Variants in CELF3 observed in about 807,000 individuals in gnomAD.
The protein encoded by CELF3 is CAG repeat domain.
A neutral mutation model predicts 59.6 loss-of-function variants in CELF3; 26 were observed. That is an observed-to-expected ratio of 0.44 (90% CI 0.32 to 0.61). The LOEUF (loss-of-function observed/expected upper bound fraction) is 0.61, where lower values mean the gene tolerates loss of function less well. CELF3 is among the 20% of genes least tolerant of loss of function. The probability of loss-of-function intolerance (pLI) is 0.06; values close to 1 mark genes in which losing one functional copy is unlikely to be tolerated. For synonymous variants in CELF3, 245 were observed against 250.7 expected (o/e 0.98, Z 0.22); for missense variants, 387 against 627.2 (o/e 0.62, Z 4.09).
chr1:151,714,442 A>G, intron 2 of CELF3, 152 bp downstream of exon 2: 3 of 710,786 alleles, frequency 4.2e-6, no homozygotes, highest in Admixed American at 2.1e-5. Context: ...GCATGCATCT[A>G]CAGCAAGAAA....
chr1:151,709,167 G>A lies in CELF3; in HGVS notation c.406+53C>T. The A allele has an allele frequency of 6.2e-7, 1 of 1,608,640 alleles. No individual in the cohort carries two copies. The highest frequency in any genetic ancestry group is 1.1e-5 in the South Asian group (1 of 90,886). On this transcript the variant is annotated intron_variant, in intron 4 of 12. Transcript: ENST00000290583. This position sits in a 1 kb window ranked among gnomAD's most constrained non-coding sequence, Gnocchi z 4.9. ...ACCCGATGCCTAGGGAGTCTTGGGGGTGGAACAGGAAGGGGAAGGGCCCGG... is the reference window on the plus strand; with the variant it reads ...ACCCGATGCCTAGGGAGTCTTGGGGATGGAACAGGAAGGGGAAGGGCCCGG...
At chr1:151,707,476 G>A (rs758740295) in intron 7 of CELF3, 31 bp downstream of exon 7, 1 of 1,608,930 alleles carries the variant, frequency 6.2e-7, no homozygotes, top group Non-Finnish European at 8.5e-7. Context: ...ACCATGCTTA[G>A]CTCCCTTGCC....
chr1:151,716,527 G>T lies in CELF3; in HGVS notation c.-507C>A. On this transcript the variant is annotated 5_prime_UTR_variant, in exon 1 of 13. Transcript: ENST00000290583. ...TGTGGGGCAGGTGAATCTCTCGTTG[G>T]CTTCCCTGGGAGGACACCTCCCCTG... is the stretch of plus-strand genomic sequence containing the variant. 1 of 326,354 alleles carries T rather than the reference G, an allele frequency of 3.1e-6. No homozygotes were observed. The highest frequency in any genetic ancestry group is 3.9e-5 in the Admixed American group (1 of 25,398). 20.2% of individuals were successfully genotyped at this position (326,354 alleles called of 1,614,324 possible). A position where few individuals can be genotyped will look rare whatever the true frequency, so the allele number is the denominator to read the frequency against.
At chr1:151,712,739 G>C (rs1673126491) in intron 2 of CELF3, among the ~76,000 whole-genome samples, 1 of 152,216 alleles carries the variant, frequency 6.6e-6, no homozygotes, top group Admixed American at 6.5e-5. Context: ...TATCACCCTA[G>C]TATGGTAGCA....
Position 151,707,918 on chromosome 1 carries a change from C to G in CELF3, c.504G>C (p.Leu168=). 1.2e-6 allele frequency: 2 copies of G among 1,612,792 alleles called. No homozygotes were observed. The highest frequency in any genetic ancestry group is 1.7e-6 in the Non-Finnish European group (2 of 1,179,054). The change falls in exon 6 of 13, where the codon CTG becomes CTC. Residue 168 remains leucine (L), a synonymous_variant. Coordinates refer to ENST00000290583, the MANE Select transcript of CELF3 (RefSeq NM_007185.7). ...SRTLPGASSS[L]VVKFADTEKE... ...TCTCAGTGTCAGCAAACTTCACCACCAGGCTGGACGAGGCACCCTGGGCAC... is the reference window on the plus strand; with the variant it reads ...TCTCAGTGTCAGCAAACTTCACCACGAGGCTGGACGAGGCACCCTGGGCAC...
In CELF3 at chr1:151,707,663, G is replaced by C. The variant is rs1051897036; in HGVS notation, c.631-15C>G. The C allele has an allele frequency of 3.1e-6, 5 of 1,603,334 alleles. No individual in the cohort carries two copies. The highest frequency in any genetic ancestry group is 4.2e-6 in the Non-Finnish European group (5 of 1,176,802). On this transcript the variant is annotated splice_polypyrimidine_tract_variant and intron_variant, in intron 6 of 12. Transcript: ENST00000290583. ...TGCTGCATCAGCTGGGGGGAGGGGA[G>C]AGGAGAGTGGGGCAGGCCCCCTGTG...
chr1:151,708,984 G>T lies in CELF3; in HGVS notation c.486+14C>A, dbSNP rs1392618310. On this transcript the variant is annotated intron_variant, in intron 5 of 12. Coordinates refer to ENST00000290583, the MANE Select transcript of CELF3 (RefSeq NM_007185.7). ...TGGGAAGGAGAGGCCCGGGGGCAGG[G>T]GAGTGGGGCTCACTGGCAGGGTCCG... The T allele has an allele frequency of 1.2e-6, 2 of 1,612,192 alleles. No homozygotes were observed. Among genetic ancestry groups the T allele is most frequent in the Non-Finnish European group, 1.7e-6 (2 of 1,179,340 alleles).
intron 1 of CELF3, chr1:151,715,666 A>G (rs551024937): frequency 1.3e-6 from 2 of 1,517,870 alleles, no homozygotes; most frequent in Admixed American, 2.0e-5. Context: ...ACAACTCTTC[A>G]GCCAAAAGAG....
At chr1:151,704,921 G>T in intron 12 of CELF3, 110 bp downstream of exon 12, 2 of 1,218,004 alleles carry the variant, frequency 1.6e-6, no homozygotes, top group Non-Finnish European at 2.3e-6. Flanking sequence ...AGGGTGGGGT[G>T]GGCATCCCTG....
chr1:151,706,390 G>T (rs1672542706), intron 9 of CELF3, 29 bp from the exon 10 acceptor site: 1 of 1,524,792 alleles, frequency 6.6e-7, no homozygotes, highest in Admixed American at 2.0e-5. Flanking sequence ...AGAGGCTGAT[G>T]GGGCTTCCCT....
Position 151,716,416 on chromosome 1 carries a change from C to CT in CELF3, c.-397dup. ...TGAGAGCTGGAGGCGGGGAAAGGGC[C>CT]TGAGGAGGGTGATGGGGAGGAGACT... On this transcript the variant is annotated 5_prime_UTR_variant, in exon 1 of 13. Coordinates refer to ENST00000290583, the MANE Select transcript of CELF3 (RefSeq NM_007185.7). 1 of 282,782 alleles carries CT rather than the reference C, an allele frequency of 3.5e-6. No homozygotes were observed. Among genetic ancestry groups the CT allele is most frequent in the South Asian group, 3.9e-5 (1 of 25,786 alleles). The allele number at this position is 282,782 out of a possible 1,614,324, so 17.5% of individuals were successfully genotyped here.
In CELF3 at chr1:151,702,826, C is replaced by A; in HGVS notation, c.*633G>T. The A allele has an allele frequency of 4.6e-6, 1 of 219,762 alleles. No homozygotes were observed. Among genetic ancestry groups the A allele is most frequent in the East Asian group, 1.1e-4 (1 of 9,464 alleles). The allele number at this position is 219,762 out of a possible 1,614,324, so 13.6% of individuals were successfully genotyped here. On this transcript the variant is annotated 3_prime_UTR_variant, in exon 13 of 13. Coordinates refer to ENST00000290583, the MANE Select transcript of CELF3 (RefSeq NM_007185.7). Reference sequence around the variant, plus strand: ...CATTTTTAGGGGTTCAGGGGAAGGTCTTTTCCTCGTGAAAGGAGGAGGGTC... The same window carrying A: ...CATTTTTAGGGGTTCAGGGGAAGGTATTTTCCTCGTGAAAGGAGGAGGGTC...
Position 151,707,313 on chromosome 1 carries a change from CAG to C in CELF3, c.773-21_773-20del, listed in dbSNP as rs954776150. The stretch of plus-strand genomic sequence containing the variant: ...CTGGTTCCTGGGGAGGAGAAAGCGA[CAG>C]GGAGAGAGCAGAGGAGCAGACACAC... On this transcript the variant is annotated intron_variant, in intron 7 of 12. Coordinates refer to ENST00000290583, the MANE Select transcript of CELF3 (RefSeq NM_007185.7). The C allele has an allele frequency of 2.6e-6, 4 of 1,566,386 alleles. No individual in the cohort carries two copies. The highest frequency in any genetic ancestry group is 2.7e-5 in the African/African-American group (2 of 73,210).
chr1:151,711,060 A>G (rs979642360), intron 2 of CELF3: 38 of 356,390 alleles, frequency 1.1e-4, no homozygotes, highest in African/African-American at 7.5e-4. Flanking sequence ...AGGTACCCTC[A>G]GGAAAGGTAC....
chr1:151,709,528 G>A lies in CELF3; in HGVS notation c.278-180C>T. The A allele has an allele frequency of 1.0e-6, 1 of 987,734 alleles. No individual in the cohort carries two copies. Among genetic ancestry groups the A allele is most frequent in the Non-Finnish European group, 1.5e-6 (1 of 654,148 alleles). 61.2% of individuals were successfully genotyped at this position (987,734 alleles called of 1,614,324 possible). A position where few individuals can be genotyped will look rare whatever the true frequency, so the allele number is the denominator to read the frequency against. ...TGCAGAGGGTGCTCATCCCAGCTCTGAGGGACTCGCACTCCACCCTGGGCC... is the reference window on the plus strand; with the variant it reads ...TGCAGAGGGTGCTCATCCCAGCTCTAAGGGACTCGCACTCCACCCTGGGCC... On this transcript the variant is annotated intron_variant, in intron 3 of 12. Coordinates refer to ENST00000290583, the MANE Select transcript of CELF3 (RefSeq NM_007185.7). The surrounding 1 kb of genome is among the most constrained non-coding windows in gnomAD (Gnocchi z 4.9).
rs1211069987 is a variant in CELF3, at chr1:151,707,295, C to T, written c.773-1G>A. 1 of 1,569,216 alleles carries T rather than the reference C, an allele frequency of 6.4e-7. No homozygotes were observed. The highest frequency in any genetic ancestry group is 2.0e-5 in the Admixed American group (1 of 50,706). Reference sequence around the variant, plus strand: ...GCGATGGCAGGAGGGGTGCTGGTTCCTGGGGAGGAGAAAGCGACAGGGAGA... The same window carrying T: ...GCGATGGCAGGAGGGGTGCTGGTTCTTGGGGAGGAGAAAGCGACAGGGAGA... On this transcript the variant is annotated splice_acceptor_variant, in intron 7 of 12. Transcript: ENST00000290583. LOFTEE classifies it high-confidence loss of function.
chr1:151,706,172 TC>T, intron 10 of CELF3, 51 bp downstream of exon 10: 1 of 1,610,214 alleles, frequency 6.2e-7, no homozygotes. Flanking sequence ...TGACAGGGAG[TC>T]CCCAAGCCCA....
intron 8 of CELF3, 125 bp downstream of exon 8, chr1:151,707,020 G>A: frequency 8.6e-6 from 10 of 1,166,682 alleles, no homozygotes; most frequent in Non-Finnish European, 1.1e-5. Context: ...TCCCCGCCCA[G>A]GATGGCAGGG....
chr1:151,716,131 G>A lies in CELF3; in HGVS notation c.-111C>T. The A allele has an allele frequency of 8.2e-7, 1 of 1,214,816 alleles. No individual in the cohort carries two copies. The highest frequency in any genetic ancestry group is 1.1e-6 in the Non-Finnish European group (1 of 891,744). 75.3% of individuals were successfully genotyped at this position (1,214,816 alleles called of 1,614,324 possible). On this transcript the variant is annotated 5_prime_UTR_variant, in exon 1 of 13. Transcript: ENST00000290583. Reference sequence around the variant, plus strand: ...GGGCCCGGGGGCCCAGCTGGGGCTGGCTTTCCCTTTGGCCCCCAACCACGC... The same window carrying A: ...GGGCCCGGGGGCCCAGCTGGGGCTGACTTTCCCTTTGGCCCCCAACCACGC...
Sources: gnomAD v4.1 joint callset for allele counts (sites outside exome capture counted in the v4.1 genomes callset) on GRCh38, gnomAD v4.1.1 for gene constraint, Gnocchi (gnomAD v3.1) non-coding constraint, MANE v1.5 for transcripts, NCBI Gene and HGNC (gene_info 2026-07-23, HGNC 2026-07-21) for gene names.